MESP1: variants seen among roughly 807,000 people sequenced by gnomAD.
The protein encoded by MESP1 is mesoderm posterior protein 1.
MESP1 carries 22 observed loss-of-function variants against 15.2 expected under a neutral mutation model. The observed-to-expected ratio is 1.45, with a 90% CI of 1.04 to 2.07. MESP1 has a LOEUF of 2.07. MESP1 is among the 30% of genes most tolerant of loss of function. The pLI, the probability that MESP1 is intolerant of heterozygous loss-of-function variation, is 0.00. For missense variants in MESP1, 484 were observed against 411.9 expected, an observed-to-expected ratio of 1.17 and a Z score of -1.51; for synonymous variants, 216 against 192.6, an observed-to-expected ratio of 1.12 and a Z score of -1.01.
At chr15:89,744,243 T>G in the MESP1 span, among the ~76,000 whole-genome samples, 2 of 152,220 alleles carry the variant, frequency 1.3e-5, no homozygotes, top group African/African-American at 4.8e-5. Flanking sequence ...ACCTCCTCCC[T>G]GGGTCACATA....
In MESP1 at chr15:89,750,907, G is replaced by A. The variant is rs534101622; in HGVS notation, c.325C>T (p.Leu109=). 5.0e-5 allele frequency: 74 copies of A among 1,488,658 alleles called. No individual in the cohort carries two copies. The highest frequency in any genetic ancestry group is 6.5e-5 in the Non-Finnish European group (73 of 1,124,862). 92.2% of individuals were successfully genotyped at this position (1,488,658 alleles called of 1,614,324 possible). ...ARALHELRRF[L]PPSVAPAGQS... ...CCCGCGGGCGCCACGGACGGCGGTAGAAAGCGGCGCAGCTCGTGCAGGGCG... is the reference window on the plus strand; with the variant it reads ...CCCGCGGGCGCCACGGACGGCGGTAAAAAGCGGCGCAGCTCGTGCAGGGCG... The change falls in exon 1 of 2, where the codon CTA becomes TTA. Residue 109 remains leucine, a synonymous_variant. Coordinates refer to ENST00000300057, the MANE Select transcript of MESP1 (RefSeq NM_018670.4).
the MESP1 span, among the ~76,000 whole-genome samples, chr15:89,736,793 CT>C: frequency 0.022 from 2,860 of 130,432 alleles, 65 homozygotes; most frequent in African/African-American, 0.066. Context: ...TCAAAGGGGG[CT>C]TTTTTTTTTT....
chr15:89,733,395 A>ATTGTATGAT, the MESP1 span, among the ~76,000 whole-genome samples: 1 of 152,294 alleles, frequency 6.6e-6, no homozygotes, highest in South Asian at 2.1e-4. Context: ...TTTTTCTAAC[A>ATTGTATGAT]AAATTGTATG....
At chr15:89,738,883 G>A in the MESP1 span, among the ~76,000 whole-genome samples, 12 of 152,232 alleles carry the variant, frequency 7.9e-5, no homozygotes, top group Admixed American at 3.9e-4. Context: ...GGGAGGCCGA[G>A]GTGGGCAGAT....
At chr15:89,746,628 CACAG>C (rs1213525210), downstream of MESP1, among the ~76,000 whole-genome samples, 1 of 150,004 alleles carries the variant, frequency 6.7e-6, no homozygotes, top group Non-Finnish European at 1.5e-5. Context: ...CGCCTCCACA[CACAG>C]AGACACACAC....
At chr15:89,749,838 GCTCTGTGTCCAC>G, downstream of MESP1, 1 of 335,436 alleles carries the variant, frequency 3.0e-6, no homozygotes, top group Non-Finnish European at 5.8e-6. Context: ...GAGAGAGGGA[GCTCTGTGTCCAC>G]GGGTAGGAAG....
At position 89,750,492 on chromosome 15, in the gene MESP1, G is replaced by A; in HGVS notation, c.723+17C>T. ...CGGGGGCACGGACGAAGGGGGCGCG[G>A]GGAAGGGGACACTAACCGGGGACGG... On this transcript the variant is annotated intron_variant, in intron 1 of 1. Transcript: ENST00000300057. The A allele has an allele frequency of 4.0e-6, 6 of 1,492,568 alleles. No homozygotes were observed. The highest frequency in any genetic ancestry group is 5.3e-6 in the Non-Finnish European group (6 of 1,128,830). 92.5% of individuals were successfully genotyped at this position (1,492,568 alleles called of 1,614,324 possible).
chr15:89,750,225 G>A lies in MESP1; in HGVS notation c.726C>T (p.Leu242=). ...ACAGAGCCAGCACGTCGCCCGGAAG[G>A]AGCTGTAGGGAGAGACGGAACAGCG... ...QAMEPSPPSP[L]LPGDVLALLE... Residue 242 remains leucine, a splice_region_variant and synonymous_variant, in exon 2 of 2, where the codon CTC becomes CTT. Transcript: ENST00000300057. The A allele has an allele frequency of 6.2e-7, 1 of 1,613,928 alleles. No individual in the cohort carries two copies. Among genetic ancestry groups the A allele is most frequent in the Non-Finnish European group, 8.5e-7 (1 of 1,179,936 alleles).
At chr15:89,747,008 T>A (rs115378839), downstream of MESP1, among the ~76,000 whole-genome samples, 1 of 99,068 alleles carries the variant, frequency 1.0e-5, no homozygotes, top group Non-Finnish European at 2.0e-5. Flanking sequence ...CACACACATA[T>A]GCTCACGCAC....
At chr15:89,740,651 G>A in the MESP1 span, among the ~76,000 whole-genome samples, 105 of 152,038 alleles carry the variant, frequency 6.9e-4, no homozygotes, top group Non-Finnish European at 6.2e-4. Flanking sequence ...ACAGGCATGC[G>A]CCACCACGCC....
the MESP1 span, among the ~76,000 whole-genome samples, chr15:89,736,949 G>A: frequency 2.3e-4 from 35 of 152,188 alleles, no homozygotes; most frequent in Non-Finnish European, 2.2e-4. Context: ...CCGCTAGCAC[G>A]CCAGGCTAAT....
chr15:89,737,279 G>A, the MESP1 span, among the ~76,000 whole-genome samples: 1 of 152,204 alleles, frequency 6.6e-6, no homozygotes, highest in South Asian at 2.1e-4. Context: ...CTACATGGAG[G>A]GTGAGCTCTT....
chr15:89,739,969 G>A, the MESP1 span, among the ~76,000 whole-genome samples: 1 of 152,150 alleles, frequency 6.6e-6, no homozygotes, highest in Non-Finnish European at 1.5e-5. Flanking sequence ...GTTTGATTCT[G>A]ACACTACCAC....
chr15:89,747,096 CCACATACACA>C (rs1160568914), downstream of MESP1, among the ~76,000 whole-genome samples: 30 of 63,734 alleles, frequency 4.7e-4, no homozygotes, highest in South Asian at 6.2e-4. Flanking sequence ...AGCCCCACTG[CCACATACACA>C]CACACACACA....
chr15:89,738,880 C>T, the MESP1 span, among the ~76,000 whole-genome samples: 5 of 152,008 alleles, frequency 3.3e-5, no homozygotes, highest in African/African-American at 7.3e-5. Context: ...TTTGGGAGGC[C>T]GAGGTGGGCA....
At chr15:89,740,506 T>G in the MESP1 span, among the ~76,000 whole-genome samples, 1 of 151,536 alleles carries the variant, frequency 6.6e-6, no homozygotes, top group African/African-American at 2.4e-5. Context: ...TTTTTGTTTT[T>G]GTTTTTGTTT....
At chr15:89,741,137 CT>C in the MESP1 span, among the ~76,000 whole-genome samples, 6 of 141,396 alleles carry the variant, frequency 4.2e-5, no homozygotes, top group Non-Finnish European at 9.3e-5. Context: ...AAGAATCTGT[CT>C]CAAAAAAAAT....
Position 89,750,549 on chromosome 15 carries a change from CACG to C in MESP1, c.680_682del (p.Ala227_Cys228delinsGly). 6.8e-7 allele frequency: 1 copy of C among 1,477,116 alleles called. No homozygotes were observed. The highest frequency in any genetic ancestry group is 8.9e-7 in the Non-Finnish European group (1 of 1,121,474). The allele number at this position is 1,477,116 out of a possible 1,614,324, so 91.5% of individuals were successfully genotyped here. The stretch of plus-strand genomic sequence containing the variant: ...TGGCTCCATCGCCTGCCCTTCAGGG[CACG>C]CCGCCTCGGCGAACAGCGCAGGCGG... On this transcript the variant is annotated inframe_deletion, in exon 1 of 2. Coordinates refer to ENST00000300057, the MANE Select transcript of MESP1 (RefSeq NM_018670.4).
chr15:89,747,965 G>A (rs1033421290), downstream of MESP1, among the ~76,000 whole-genome samples: 2 of 152,160 alleles, frequency 1.3e-5, no homozygotes, highest in African/African-American at 4.8e-5. Flanking sequence ...AGCAGTGGGA[G>A]ATGTCCCCTG....
Sources: gnomAD v4.1 joint callset for allele counts (sites outside exome capture counted in the v4.1 genomes callset) on GRCh38, gnomAD v4.1.1 for gene constraint, MANE v1.5 for transcripts, NCBI Gene and HGNC (gene_info 2026-07-23, HGNC 2026-07-21) for gene names.